Variants in ZNF578 observed in about 807,000 individuals in gnomAD.
ZNF578 encodes the protein Putative chemokine-related protein B42.
In ZNF578, 8 loss-of-function variants were observed where a neutral mutation model predicts 8.3. The ratio of observed to expected loss-of-function variants is 0.96; its 90% CI spans 0.56 to 1.74. ZNF578 has a LOEUF of 1.74. ZNF578 is among the 40% of genes most tolerant of loss of function. The pLI, the probability that ZNF578 is intolerant of heterozygous loss-of-function variation, is 0.00. For missense variants in ZNF578, 726 were observed against 707.5 expected, an observed-to-expected ratio of 1.03 and a Z score of -0.30; for synonymous variants, 206 against 232.2, an observed-to-expected ratio of 0.89 and a Z score of 1.03.
intron 2 of ZNF578, among the ~76,000 whole-genome samples, chr19:52,466,959 T>C (rs1006595357): frequency 2.0e-5 from 3 of 152,252 alleles, no homozygotes; most frequent in East Asian, 1.9e-4. Context: ...TGAAGTTCCA[T>C]GTTGTTATCC....
At chr19:52,467,438 AAT>A (rs2059278908) in intron 2 of ZNF578, among the ~76,000 whole-genome samples, 1 of 152,068 alleles carries the variant, frequency 6.6e-6, no homozygotes, top group Admixed American at 6.5e-5. Flanking sequence ...TCTCAAAAAA[AAT>A]AAAATAAAAT....
rs765865965 is a variant in ZNF578, at chr19:52,512,126, CATCA to C, written c.1751_1754del (p.Ile584SerfsTer66). ...AAGGCTCACAATCACTTGATTGATTCATCAATCAAGCCTTGCATGTCATCATAGA... is the reference window on the plus strand; with the variant it reads ...AAGGCTCACAATCACTTGATTGATTCATCAAGCCTTGCATGTCATCATAGA... On this transcript the variant is annotated frameshift_variant, in exon 6 of 6. Transcript: ENST00000421239. LOFTEE classifies it low-confidence loss of function (END_TRUNC). 2 of 1,613,280 alleles carry C rather than the reference CATCA, an allele frequency of 1.2e-6. No homozygotes were observed. Among genetic ancestry groups the C allele is most frequent in the Non-Finnish European group, 1.7e-6 (2 of 1,179,566 alleles).
At chr19:52,459,647 A>T in intron 2 of ZNF578, among the ~76,000 whole-genome samples, 1 of 137,368 alleles carries the variant, frequency 7.3e-6, no homozygotes, top group South Asian at 2.5e-4. Context: ...ACACACACAC[A>T]CACATATATA....
intron 2 of ZNF578, among the ~76,000 whole-genome samples, chr19:52,469,176 T>TTTG (rs2059284530): frequency 6.6e-6 from 1 of 150,588 alleles, no homozygotes; most frequent in Non-Finnish European, 1.5e-5. Context: ...TGTTTTTTTT[T>TTTG]TTTTGACAGG....
chr19:52,476,295 T>C (rs192480514), intron 2 of ZNF578, among the ~76,000 whole-genome samples: 65 of 152,304 alleles, frequency 4.3e-4, no homozygotes, highest in Admixed American at 9.8e-4. Context: ...GAATTCCAGC[T>C]GACATCACTA....
intron 2 of ZNF578, among the ~76,000 whole-genome samples, chr19:52,490,615 G>A (rs1339573955): frequency 2.0e-5 from 3 of 151,872 alleles, no homozygotes; most frequent in Admixed American, 6.6e-5. Context: ...TTTAAGACAG[G>A]TATTCAGAAA....
At position 52,493,268 on chromosome 19, in the gene ZNF578, C is replaced by T. The variant is rs564830863; in HGVS notation, c.-20+1843C>T. ...TGCGTCTTCTGCCTGGTCCTGGAAT[C>T]CTGCAGGTGTCACCCTTGTCTTAAG... On this transcript the variant is annotated intron_variant, in intron 3 of 5. Transcript: ENST00000421239. Among the ~76,000 whole-genome samples, 143 of 152,236 alleles carry T rather than the reference C, an allele frequency of 9.4e-4. 1 individual carries two copies. The highest frequency in any genetic ancestry group is 8.3e-3 in the South Asian group (40 of 4,818).
At chr19:52,503,438 C>T (rs1439026582) in intron 4 of ZNF578, among the ~76,000 whole-genome samples, 2 of 152,094 alleles carry the variant, frequency 1.3e-5, no homozygotes, top group Non-Finnish European at 2.9e-5. Flanking sequence ...CTCTGCCTTC[C>T]GGCTTCAAGC....
chr19:52,514,982 G>A lies in ZNF578; in HGVS notation c.*2828G>A, dbSNP rs1037315135. The stretch of plus-strand genomic sequence containing the variant: ...AGACTCTTTTTTTTTTTTTTTTTTA[G>A]ATGGAGTTTTGCTTTTGTTGCTGAG... On this transcript the variant is annotated 3_prime_UTR_variant, in exon 6 of 6. Coordinates refer to ENST00000421239, the MANE Select transcript of ZNF578 (RefSeq NM_001099694.2). Among the ~76,000 whole-genome samples the A allele has an allele frequency of 2.7e-5, 3 of 110,050 alleles. No individual in the cohort carries two copies. Among genetic ancestry groups the A allele is most frequent in the African/African-American group, 7.1e-5 (2 of 28,326 alleles). 72.2% of individuals were successfully genotyped at this position (110,050 alleles called of 152,430 possible).
At chr19:52,469,186 G>C (rs1031461639) in intron 2 of ZNF578, among the ~76,000 whole-genome samples, 2 of 97,264 alleles carry the variant, frequency 2.1e-5, no homozygotes, top group African/African-American at 7.2e-5. Context: ...TTTTTGACAG[G>C]GTCTCACTCT....
intron 2 of ZNF578, among the ~76,000 whole-genome samples, chr19:52,477,307 C>A (rs2059311156): frequency 6.6e-6 from 1 of 152,104 alleles, no homozygotes; most frequent in Non-Finnish European, 1.5e-5. Flanking sequence ...CTTCTGGGAC[C>A]CACCCCTGAA....
At chr19:52,491,156 C>T (rs770944336) in intron 2 of ZNF578, among the ~76,000 whole-genome samples, 168 bp from the exon 3 acceptor site, 2 of 152,106 alleles carry the variant, frequency 1.3e-5, no homozygotes, top group African/African-American at 2.4e-5. Context: ...GACATGTAAT[C>T]GCCCTTTATT....
At chr19:52,501,756 T>C (rs2059408386) in intron 3 of ZNF578, 71 bp from the exon 4 acceptor site, 7 of 1,521,986 alleles carry the variant, frequency 4.6e-6, no homozygotes, top group Admixed American at 3.8e-5. Flanking sequence ...GTCTCCCCGT[T>C]CCTGTGTTTT....
chr19:52,478,172 A>G (rs112884648), intron 2 of ZNF578, among the ~76,000 whole-genome samples: 1,612 of 152,354 alleles, frequency 0.011, 30 homozygotes, highest in African/African-American at 0.037. Flanking sequence ...AAACAAGTGC[A>G]AGCCAAATGC....
rs619206 is a variant in ZNF578 at position 52,513,513 on chromosome 19, A to G, written c.*1359A>G. 0.34 allele frequency among the ~76,000 whole-genome samples: 51,343 copies of G among 151,368 alleles called. 9,059 individuals are homozygous for G. Among genetic ancestry groups the G allele is most frequent in the African/African-American group, 0.42 (17,431 of 41,314 alleles). ...TGGGAGGCCAAGGCAGGCAGATAAC[A>G]AAGTCAGGAGATTGAGACCGTCCTG... On this transcript the variant is annotated 3_prime_UTR_variant, in exon 6 of 6. Transcript: ENST00000421239.
chr19:52,512,247 C>G lies in ZNF578; in HGVS notation c.*93C>G. ...CTTAAAAGACATAGGAGAATTCATA[C>G]TGGAGAGAAACCTTACAAGTGTAAT... On this transcript the variant is annotated 3_prime_UTR_variant, in exon 6 of 6. Coordinates refer to ENST00000421239, the MANE Select transcript of ZNF578 (RefSeq NM_001099694.2). 1.9e-6 allele frequency: 3 copies of G among 1,602,598 alleles called. No individual in the cohort carries two copies. The highest frequency in any genetic ancestry group is 1.7e-6 in the Non-Finnish European group (2 of 1,169,984).
intron 2 of ZNF578, chr19:52,473,960 A>T: frequency 5.4e-6 from 2 of 371,526 alleles, no homozygotes; most frequent in Non-Finnish European, 1.1e-5. Context: ...GTGACTAAAG[A>T]TCTTACCACA....
At chr19:52,493,729 G>A (rs1459315586) in intron 3 of ZNF578, among the ~76,000 whole-genome samples, 1 of 152,140 alleles carries the variant, frequency 6.6e-6, no homozygotes, top group Non-Finnish European at 1.5e-5. Flanking sequence ...GGTGGCTTAT[G>A]CCTGTAATCC....
At chr19:52,480,891 A>G in intron 2 of ZNF578, among the ~76,000 whole-genome samples, 1 of 143,322 alleles carries the variant, frequency 7.0e-6, no homozygotes, top group Non-Finnish European at 1.5e-5. Flanking sequence ...GTGAGACTCC[A>G]TCTCAAAAGA....
Sources: gnomAD v4.1 joint callset for allele counts (sites outside exome capture counted in the v4.1 genomes callset) on GRCh38, gnomAD v4.1.1 for gene constraint, MANE v1.5 for transcripts, NCBI Gene and HGNC (gene_info 2026-07-23, HGNC 2026-07-21) for gene names.